The following XPO4 variants were observed in gnomAD, a reference collection of about 807,000 sequenced individuals.
XPO4 encodes the protein exportin 4.
In XPO4, 39 loss-of-function variants were observed where a neutral mutation model predicts 143.0. That is an observed-to-expected ratio of 0.27 (90% CI 0.21 to 0.36). The LOEUF is 0.36. Ranked by LOEUF, XPO4 falls within the 10% of genes least tolerant of loss-of-function variation. The probability of loss-of-function intolerance (pLI) is 1.00; values close to 1 mark genes in which losing one functional copy is unlikely to be tolerated. For synonymous variants in XPO4, 439 were observed against 474.0 expected (o/e 0.93, Z 0.96); for missense variants, 907 against 1,348.0 (o/e 0.67, Z 5.12).
intron 1 of XPO4, among the ~76,000 whole-genome samples, chr13:20,884,393 T>C (rs562160838): frequency 2.1e-3 from 318 of 151,900 alleles, no homozygotes; most frequent in African/African-American, 5.8e-3. Context: ...ATAAATACAA[T>C]ATAATCCAAT....
At position 20,895,224 on chromosome 13, in the gene XPO4, C is replaced by T. The variant is rs1002311673; in HGVS notation, c.69+7446G>A. On this transcript the variant is annotated intron_variant, in intron 1 of 22. Transcript: ENST00000255305. ...CATGCAACATTCAAATTTACTAAAA[C>T]GGAGTATTAATTTATGGTCTAAATT... Among the ~76,000 whole-genome samples the T allele has an allele frequency of 3.3e-5, 5 of 152,012 alleles. 1 individual carries two copies. The South Asian group carries it at 6.2e-4, about 19-fold the overall frequency.
In XPO4 at chr13:20,855,609, T is replaced by C. The variant is rs1384136574; in HGVS notation, c.456+18A>G. Reference sequence around the variant, plus strand: ...AATATAAATTGTTAATATTTATAAATACAAATAGCACACTTACCACAGTGG... The same window carrying C: ...AATATAAATTGTTAATATTTATAAACACAAATAGCACACTTACCACAGTGG... On this transcript the variant is annotated intron_variant, in intron 4 of 22. Transcript: ENST00000255305. The C allele has an allele frequency of 6.5e-7, 1 of 1,542,386 alleles. No individual in the cohort carries two copies.
chr13:20,796,152 T>C lies in XPO4; in HGVS notation c.2721A>G (p.Gln907=), dbSNP rs1180920662. Residue 907 remains glutamine (Q), a synonymous_variant, in exon 18 of 23, where the codon CAA becomes CAG. Transcript: ENST00000255305. ...CCATAATGAGAAGCAGGTCTTGGTA[T>C]TGCTCTTCTTCTGCTGTAACATCTA... ...QRIDVTAEEE[Q]YQDLLLIMEL... 1.2e-6 allele frequency: 2 copies of C among 1,613,960 alleles called. No individual in the cohort carries two copies. Among genetic ancestry groups the C allele is most frequent in the Admixed American group, 1.7e-5 (1 of 60,004 alleles).
intron 6 of XPO4, among the ~76,000 whole-genome samples, chr13:20,841,717 C>T (rs988854663): frequency 6.6e-6 from 1 of 151,934 alleles, no homozygotes; most frequent in African/African-American, 2.4e-5. Flanking sequence ...AGGAGTTATA[C>T]CCCACCACAC....
At chr13:20,821,356 C>G (rs1286806716) in intron 9 of XPO4, among the ~76,000 whole-genome samples, 2 of 151,210 alleles carry the variant, frequency 1.3e-5, no homozygotes, top group Non-Finnish European at 2.9e-5. Flanking sequence ...CACAGCAACA[C>G]CCTGTAAACA....
intron 16 of XPO4, 87 bp from the exon 17 acceptor site, chr13:20,797,144 T>G: frequency 7.6e-7 from 1 of 1,311,618 alleles, no homozygotes; most frequent in Non-Finnish European, 1.0e-6. Context: ...TTCCAAAACA[T>G]TTCTAATTGT....
intron 3 of XPO4, among the ~76,000 whole-genome samples, chr13:20,860,497 A>C (rs2060186667): frequency 6.6e-6 from 1 of 152,226 alleles, no homozygotes; most frequent in Non-Finnish European, 1.5e-5. Context: ...CATGGTTGCA[A>C]TTGATAATAT....
chr13:20,793,655 G>A (rs753129608), intron 18 of XPO4, among the ~76,000 whole-genome samples: 6 of 152,102 alleles, frequency 3.9e-5, no homozygotes, highest in African/African-American at 1.4e-4. Flanking sequence ...CCTGGTTCAC[G>A]CCATTCTCCT....
At chr13:20,862,568 A>C in intron 3 of XPO4, 149 bp downstream of exon 3, 1 of 916,502 alleles carries the variant, frequency 1.1e-6, no homozygotes, top group Non-Finnish European at 1.6e-6. Context: ...GCTCAAGGAG[A>C]TCCTCCCTCT....
chr13:20,814,588 T>TGA (rs2059625912), intron 9 of XPO4, among the ~76,000 whole-genome samples: 1 of 152,354 alleles, frequency 6.6e-6, no homozygotes, highest in South Asian at 2.1e-4. Flanking sequence ...AACCTAGCGC[T>TGA]TTTTCATAAT....
intron 6 of XPO4, among the ~76,000 whole-genome samples, chr13:20,840,381 ATTT>A (rs1213076163): frequency 6.6e-6 from 1 of 151,636 alleles, no homozygotes; most frequent in African/African-American, 2.4e-5. Context: ...TAATATTTGT[ATTT>A]TTTTGTAGAG....
chr13:20,873,079 C>T (rs1595150739), intron 1 of XPO4, among the ~76,000 whole-genome samples: 1 of 145,224 alleles, frequency 6.9e-6, no homozygotes, highest in African/African-American at 2.5e-5. Flanking sequence ...TAGTAGAGAC[C>T]CGTGACCATT....
At chr13:20,900,617 C>CTT (rs71090516) in intron 1 of XPO4, among the ~76,000 whole-genome samples, 3 of 144,594 alleles carry the variant, frequency 2.1e-5, no homozygotes, top group Non-Finnish European at 3.0e-5. Context: ...AAGTCATTTC[C>CTT]TTTTTTTTTT....
At chr13:20,870,996 T>TG (rs1245296722) in intron 1 of XPO4, among the ~76,000 whole-genome samples, 1 of 151,948 alleles carries the variant, frequency 6.6e-6, no homozygotes, top group Non-Finnish European at 1.5e-5. Context: ...TTTGTAGAGA[T>TG]GGGGTCTCAC....
At chr13:20,842,872 C>T (rs1441986485) in intron 6 of XPO4, 23 bp downstream of exon 6, 6 of 1,579,338 alleles carry the variant, frequency 3.8e-6, no homozygotes, top group Non-Finnish European at 5.2e-6. Flanking sequence ...CACAGATAAA[C>T]TATTCATTTG....
At chr13:20,848,493 C>A (rs561047815) in intron 4 of XPO4, 2 of 985,264 alleles carry the variant, frequency 2.0e-6, no homozygotes, top group Non-Finnish European at 2.4e-6. Context: ...CATGTAATTA[C>A]ACCAGGTTAC....
intron 4 of XPO4, among the ~76,000 whole-genome samples, chr13:20,855,396 G>A (rs536999768): frequency 3.0e-4 from 46 of 151,520 alleles, no homozygotes; most frequent in Middle Eastern, 6.8e-3. Context: ...CAGAGGTTGC[G>A]GTGAGCCAAG....
intron 1 of XPO4, among the ~76,000 whole-genome samples, chr13:20,883,185 T>C (rs2060429845): frequency 6.6e-6 from 1 of 152,242 alleles, no homozygotes; most frequent in Admixed American, 6.5e-5. Context: ...TCAATAGTTA[T>C]CTTCGTTAAC....
intron 14 of XPO4, 102 bp from the exon 15 acceptor site, chr13:20,800,427 AG>A: frequency 1.6e-5 from 18 of 1,114,620 alleles, no homozygotes; most frequent in Non-Finnish European, 1.9e-5. Context: ...AATCTGAAGT[AG>A]TGCTTACTTC....
Sources: gnomAD v4.1 joint callset for allele counts (sites outside exome capture counted in the v4.1 genomes callset) on GRCh38, gnomAD v4.1.1 for gene constraint, MANE v1.5 for transcripts, NCBI Gene and HGNC (gene_info 2026-07-23, HGNC 2026-07-21) for gene names.